The following RTL5 variants were observed in gnomAD, a reference collection of about 807,000 sequenced individuals.
RTL5 encodes retrotransposon Gag like 5.
RTL5 carries 8 observed loss-of-function variants against 7.7 expected under a neutral mutation model. That is an observed-to-expected ratio of 1.04 (90% CI 0.61 to 1.88). The LOEUF is 1.88. Ranked by LOEUF, RTL5 falls within the 40% of genes most tolerant of loss-of-function variation. The probability of loss-of-function intolerance (pLI) is 0.00; values close to 1 mark genes in which losing one functional copy is unlikely to be tolerated. For missense variants in RTL5, 457 were observed against 472.7 expected, an observed-to-expected ratio of 0.97 and a Z score of 0.31; for synonymous variants, 188 against 191.8, an observed-to-expected ratio of 0.98 and a Z score of 0.16.
At chrX:72,130,576 A>C (rs2042281022) in exon 1 of RTL5, 1 of 1,208,548 alleles carries the variant, frequency 8.3e-7, no homozygotes, top group African/African-American at 1.8e-5. Flanking sequence ...GATATTTCGA[A>C]CTCCAGGGAG....
In RTL5 at chrX:72,130,125, C is replaced by T. The variant is rs757021429; in HGVS notation, c.1416G>A (p.Pro472=). The change falls in exon 1 of 1, where the codon CCG becomes CCA. Residue 472 remains proline (P), a synonymous_variant. Transcript: ENST00000609883. ...TCTGGGATGACGCGTGAACAAAGGT[C>T]GGCTCCATCTCCATCAGCTCATCTA... is the stretch of plus-strand genomic sequence containing the variant. The T allele has an allele frequency of 1.6e-5, 19 of 1,208,439 alleles. No individual in the cohort carries two copies. The East Asian group carries it at 4.5e-4, about 28-fold the overall frequency.
exon 1 of RTL5, chrX:72,129,685 C>G: frequency 1.7e-6 from 1 of 588,343 alleles, no homozygotes; most frequent in Non-Finnish European, 2.6e-6. Context: ...GCAAGATGGT[C>G]TGGAATTCTG....
rs1043461984 is a variant in RTL5 at position 72,130,605 on chromosome X, G to A, written c.936C>T (p.Arg312=). 86 of 1,209,725 alleles carry A rather than the reference G, an allele frequency of 7.1e-5. 1 individual carries two copies. Among genetic ancestry groups the A allele is most frequent in the Non-Finnish European group, 9.4e-5 (84 of 895,105 alleles). The change falls in exon 1 of 1, where the codon CGC becomes CGT. Residue 312 remains arginine, a synonymous_variant. Coordinates refer to ENST00000609883, the Ensembl canonical transcript of RTL5. ...CAGGGAGCGGGATAGGCTTGGGAAC[G>A]CGCACTTTTCTTTCTATCTCCACAC... is the stretch of plus-strand genomic sequence containing the variant.
At chrX:72,131,328 G>C (rs774040323) in exon 1 of RTL5, 14 of 1,199,891 alleles carry the variant, frequency 1.2e-5, no homozygotes, top group Non-Finnish European at 1.6e-5. Flanking sequence ...CACTGAGCGC[G>C]AACTCCAAGT....
exon 1 of RTL5, chrX:72,128,856 C>A (rs749113747): frequency 8.8e-6 from 1 of 113,209 alleles, no homozygotes; most frequent in East Asian, 2.8e-4. Context: ...CAAGGCCTGG[C>A]AAGGGGAGAA....
At chrX:72,128,521 G>A (rs987258201) in exon 1 of RTL5, 5 of 112,625 alleles carry the variant, frequency 4.4e-5, no homozygotes, top group Non-Finnish European at 9.4e-5. Flanking sequence ...CAAGCAGTGG[G>A]TCTCTTTATA....
exon 1 of RTL5, chrX:72,131,549 G>C: frequency 3.4e-6 from 4 of 1,162,840 alleles, no homozygotes; most frequent in South Asian, 2.0e-5. Context: ...ATCTCGACAA[G>C]CCCAGGGGCC....
At chrX:72,131,343 C>T in exon 1 of RTL5, 1 of 1,205,343 alleles carries the variant, frequency 8.3e-7, no homozygotes, top group East Asian at 3.0e-5. Flanking sequence ...CCAAGTTCTC[C>T]TCCGCAAGGA....
chrX:72,129,954 G>T, exon 1 of RTL5: 1 of 1,211,535 alleles, frequency 8.3e-7, no homozygotes, highest in Non-Finnish European at 1.1e-6. Context: ...GAATCAGTTG[G>T]GGGGAGCTGT....
At chrX:72,128,284 G>C (rs1445464573) in exon 1 of RTL5, 2 of 111,986 alleles carry the variant, frequency 1.8e-5, no homozygotes, top group Non-Finnish European at 3.8e-5. Context: ...GTCCGCCTGA[G>C]ATTATCGGTC....
exon 1 of RTL5, chrX:72,131,431 C>G: frequency 8.3e-7 from 1 of 1,211,152 alleles, no homozygotes. Context: ...CAGGGCTCTC[C>G]CGAGCTGGAG....
chrX:72,130,166 C>T (rs1455064112), exon 1 of RTL5: 2 of 1,210,802 alleles, frequency 1.7e-6, no homozygotes, highest in Non-Finnish European at 2.2e-6. Flanking sequence ...TCATCTTGGG[C>T]CTCATCCAGT....
chrX:72,127,910 A>G (rs1340224514), exon 1 of RTL5: 1 of 112,826 alleles, frequency 8.9e-6, no homozygotes, highest in Non-Finnish European at 1.9e-5. Flanking sequence ...TTGACAAGAC[A>G]TAGCAAGAAC....
rs1287053811 is a variant in RTL5 at position 72,131,353 on chromosome X, A to T, written c.188T>A (p.Val63Asp). Residue 63 changes from valine to aspartate, a missense_variant, in exon 1 of 1, where the codon GTC (valine) becomes GAC (aspartate). Coordinates refer to ENST00000609883, the Ensembl canonical transcript of RTL5. ...GAACTCCAAGTTCTCCTCCGCAAGG[A>T]CGGGCACTATGGGTACTGGCCAGCG... The T allele has an allele frequency of 8.3e-7, 1 of 1,205,016 alleles. No homozygotes were observed. Among genetic ancestry groups the T allele is most frequent in the African/African-American group, 1.8e-5 (1 of 56,661 alleles).
exon 1 of RTL5, chrX:72,131,650 T>A: frequency 1.2e-6 from 1 of 813,908 alleles, no homozygotes; most frequent in South Asian, 2.8e-5. Flanking sequence ...GGGACCGAAG[T>A]GCGGCAGCGG....
chrX:72,131,369 C>G (rs2042297572), exon 1 of RTL5: 1 of 1,208,000 alleles, frequency 8.3e-7, no homozygotes, highest in Admixed American at 2.2e-5. Context: ...ACTATGGGTA[C>G]TGGCCAGCGG....
upstream of RTL5, chrX:72,131,864 G>T: frequency 3.2e-6 from 1 of 312,727 alleles, no homozygotes; most frequent in Admixed American, 6.9e-5. Flanking sequence ...GCGGGCGGGC[G>T]GGCAGGGGCG....
exon 1 of RTL5, chrX:72,130,129 T>C: frequency 8.3e-7 from 1 of 1,210,704 alleles, no homozygotes; most frequent in South Asian, 1.8e-5. Context: ...AAAGGTCGGC[T>C]CCATCTCCAT....
chrX:72,131,588 C>T, exon 1 of RTL5: 1 of 1,114,391 alleles, frequency 9.0e-7, no homozygotes, highest in East Asian at 3.1e-5. Flanking sequence ...GAAAGGGGAA[C>T]TGGAACTACG....
Sources: allele counts gnomAD v4.1 joint callset, GRCh38; gene constraint gnomAD v4.1.1; transcripts MANE v1.5; gene names NCBI Gene and HGNC (gene_info 2026-07-23, HGNC 2026-07-21).